The following ELAPOR2 variants were observed in gnomAD, a reference collection of about 807,000 sequenced individuals.
ELAPOR2 encodes endosome/lysosome-associated apoptosis and autophagy regulator family member 2.
In ELAPOR2, 89 loss-of-function variants were observed where a neutral mutation model predicts 120.7. The observed-to-expected ratio is 0.74, with a 90% CI of 0.62 to 0.88. The LOEUF is 0.88. ELAPOR2 is among the 40% of genes least tolerant of loss of function. The probability of loss-of-function intolerance (pLI) is 0.00; values close to 1 mark genes in which losing one functional copy is unlikely to be tolerated. For synonymous variants in ELAPOR2, 444 were observed against 444.9 expected, an observed-to-expected ratio of 1.00 and a Z score of 0.03; for missense variants, 1,134 against 1,251.6, an observed-to-expected ratio of 0.91 and a Z score of 1.42.
intron 8 of ELAPOR2, among the ~76,000 whole-genome samples, chr7:86,928,048 A>G (rs1389612264): frequency 1.3e-5 from 2 of 152,042 alleles, no homozygotes; most frequent in Admixed American, 6.6e-5. Flanking sequence ...AGATTAACTT[A>G]TCTGAAGAAG....
intron 4 of ELAPOR2, among the ~76,000 whole-genome samples, chr7:86,942,941 A>G (rs1354003380): frequency 6.6e-6 from 1 of 152,048 alleles, no homozygotes; most frequent in Non-Finnish European, 1.5e-5. Context: ...CCAATTTACA[A>G]ATATTAAAAT....
intron 1 of ELAPOR2, among the ~76,000 whole-genome samples, chr7:87,028,373 C>T (rs1204058990): frequency 6.6e-6 from 1 of 152,120 alleles, no homozygotes; most frequent in African/African-American, 2.4e-5. Context: ...TCTTCTTCAA[C>T]ACTTTCTTTA....
chr7:86,916,556 A>G (rs553667607), intron 12 of ELAPOR2, among the ~76,000 whole-genome samples: 1 of 152,334 alleles, frequency 6.6e-6, no homozygotes, highest in Non-Finnish European at 1.5e-5. Context: ...AAGTGTATTC[A>G]GAGGCTGTTG....
intron 1 of ELAPOR2, among the ~76,000 whole-genome samples, chr7:86,972,576 T>C (rs1792140347): frequency 6.7e-6 from 1 of 148,818 alleles, no homozygotes; most frequent in Non-Finnish European, 1.5e-5. Context: ...TTCAGGGACA[T>C]CAAGTAAGAA....
In ELAPOR2 at chr7:87,029,506, C is replaced by A. The variant is rs192539473; in HGVS notation, c.189+29819G>T. On this transcript the variant is annotated intron_variant, in intron 1 of 21. Coordinates refer to ENST00000450689, the MANE Select transcript of ELAPOR2 (RefSeq NM_001142749.3). ...GAAAGGATTGTGCTTTTTCGCAATT[C>A]TTTTTATAATTTAAGGAGCCATAAA... is the stretch of plus-strand genomic sequence containing the variant. 2.0e-5 allele frequency among the ~76,000 whole-genome samples: 3 copies of A among 152,208 alleles called. No homozygotes were observed. In the East Asian group the frequency reaches 5.8e-4, roughly 29 times the overall value.
At chr7:87,039,787 C>T (rs1794704047) in intron 1 of ELAPOR2, among the ~76,000 whole-genome samples, 2 of 152,154 alleles carry the variant, frequency 1.3e-5, no homozygotes, top group African/African-American at 4.8e-5. Context: ...CGAATAGGAA[C>T]AGCTCTGGTC....
chr7:86,923,528 TCTC>T (rs1185798538), intron 10 of ELAPOR2, among the ~76,000 whole-genome samples: 7 of 152,070 alleles, frequency 4.6e-5, no homozygotes, highest in African/African-American at 1.4e-4. Flanking sequence ...AATTTAGTTT[TCTC>T]CTATTTTTCA....
chr7:86,893,931 T>C lies in ELAPOR2; in HGVS notation c.2686-831A>G, dbSNP rs528080063. On this transcript the variant is annotated intron_variant, in intron 19 of 21. Transcript: ENST00000450689. The stretch of plus-strand genomic sequence containing the variant: ...ATATTTCAACATGTACGGTGACCAG[T>C]AGCAATTTGCATGGTGATTCTATCC... Among the ~76,000 whole-genome samples the C allele has an allele frequency of 2.6e-5, 4 of 152,228 alleles. No homozygotes were observed. In the South Asian group the frequency reaches 8.3e-4, roughly 32 times the overall value.
rs1017239783 is a variant in ELAPOR2 at position 86,884,803 on chromosome 7, T to C, written c.3031-4273A>G. ...TAATTTGGCAGGACTCAATGACTGT[T>C]TGGTAAGCAATTCAGAATGACAAGC... On this transcript the variant is annotated intron_variant, in intron 21 of 21. Transcript: ENST00000450689. Among the ~76,000 whole-genome samples the C allele has an allele frequency of 3.9e-5, 6 of 152,064 alleles. No homozygotes were observed. In the East Asian group the frequency reaches 1.2e-3, roughly 29 times the overall value.
chr7:87,043,231 A>G (rs1407954736), intron 1 of ELAPOR2, among the ~76,000 whole-genome samples: 11 of 151,162 alleles, frequency 7.3e-5, no homozygotes, highest in South Asian at 2.1e-4. Flanking sequence ...AATCAATAGA[A>G]AAAGAGGGAA....
At chr7:86,951,402 G>A (rs898311377) in intron 2 of ELAPOR2, among the ~76,000 whole-genome samples, 7 of 152,182 alleles carry the variant, frequency 4.6e-5, no homozygotes, top group Non-Finnish European at 4.4e-5. Context: ...ATATAAAAAA[G>A]AGAAGAATTG....
intron 1 of ELAPOR2, among the ~76,000 whole-genome samples, chr7:86,992,280 A>G (rs1792968529): frequency 6.6e-6 from 1 of 152,204 alleles, no homozygotes. Context: ...AAGTTTAAAA[A>G]TTAGCTGAGC....
chr7:86,891,137 T>C (rs1239176991), intron 21 of ELAPOR2: 1 of 152,104 alleles, frequency 6.6e-6, no homozygotes, highest in Non-Finnish European at 1.5e-5. Flanking sequence ...CAATAATTTA[T>C]ATAACTTTTG....
intron 1 of ELAPOR2, among the ~76,000 whole-genome samples, chr7:87,051,146 G>A (rs1445563531): frequency 6.6e-6 from 1 of 152,142 alleles, no homozygotes; most frequent in African/African-American, 2.4e-5. Context: ...ACATCACTAG[G>A]AGTGTAAGGA....
At chr7:86,959,725 G>T (rs535196640) in intron 2 of ELAPOR2, among the ~76,000 whole-genome samples, 14 of 152,244 alleles carry the variant, frequency 9.2e-5, no homozygotes, top group African/African-American at 3.4e-4. Context: ...TCAGTTTGCT[G>T]TATTTTGCTC....
At chr7:86,992,949 A>G (rs1242595667) in intron 1 of ELAPOR2, among the ~76,000 whole-genome samples, 1 of 152,160 alleles carries the variant, frequency 6.6e-6, no homozygotes, top group Non-Finnish European at 1.5e-5. Context: ...AAGTATAAAG[A>G]AAATCTTGCC....
intron 1 of ELAPOR2, among the ~76,000 whole-genome samples, chr7:86,993,839 C>T (rs1793034779): frequency 6.6e-6 from 1 of 152,100 alleles, no homozygotes; most frequent in South Asian, 2.1e-4. Context: ...TTCATGTGTT[C>T]CCTCTATTAT....
At chr7:86,993,246 A>AAAAAAAAAG (rs796528835) in intron 1 of ELAPOR2, among the ~76,000 whole-genome samples, 2 of 143,990 alleles carry the variant, frequency 1.4e-5, no homozygotes, top group Admixed American at 7.0e-5. Context: ...AAAAAAAAAA[A>AAAAAAAAAG]AAAAGAAAAA....
chr7:86,966,126 A>AAGAACCC (rs1452137734), intron 1 of ELAPOR2, among the ~76,000 whole-genome samples: 3 of 152,176 alleles, frequency 2.0e-5, no homozygotes, highest in African/African-American at 7.2e-5. Flanking sequence ...AAGCAACAAG[A>AAGAACCC]AGAACCCAGG....
Sources: gnomAD v4.1 joint callset for allele counts (sites outside exome capture counted in the v4.1 genomes callset) on GRCh38, gnomAD v4.1.1 for gene constraint, MANE v1.5 for transcripts, NCBI Gene and HGNC (gene_info 2026-07-23, HGNC 2026-07-21) for gene names.